SUPT16H: variants seen among roughly 807,000 people sequenced by gnomAD.
The protein encoded by SUPT16H is SPT16 homolog, facilitates chromatin remodeling subunit, also known as FACT complex subunit SPT16.
SUPT16H carries 24 observed loss-of-function variants against 136.2 expected under a neutral mutation model. The observed-to-expected ratio is 0.18, with a 90% confidence interval of 0.13 to 0.25. The LOEUF (loss-of-function observed/expected upper bound fraction) is 0.25. Ranked by LOEUF, SUPT16H falls within the 10% of genes least tolerant of loss-of-function variation. The pLI is 1.00. For synonymous variants in SUPT16H, 415 were observed against 428.2 expected (o/e 0.97, Z 0.38); for missense variants, 623 against 1,270.2 (o/e 0.49, Z 7.74).
intron 22 of SUPT16H, chr14:21,354,764 A>G (rs374516054): frequency 1.4e-4 from 51 of 367,864 alleles, no homozygotes; most frequent in South Asian, 1.3e-3. Flanking sequence ...GCTAATTTTT[A>G]TATTTTTAGT....
At chr14:21,372,837 A>C in intron 2 of SUPT16H, 1 of 344,352 alleles carries the variant, frequency 2.9e-6, no homozygotes, top group South Asian at 2.3e-5. Context: ...ATCACTGCTA[A>C]ATCCAATTGA....
chr14:21,373,494 A>G (rs751353919), intron 1 of SUPT16H, 64 bp from the exon 2 acceptor site: 1 of 1,167,400 alleles, frequency 8.6e-7, no homozygotes, highest in Admixed American at 1.7e-5. Context: ...ACAGCCTTCA[A>G]TATTTATCTA....
At chr14:21,357,454 C>A in intron 21 of SUPT16H, 88 bp from the exon 22 acceptor site, 1 of 1,311,160 alleles carries the variant, frequency 7.6e-7, no homozygotes, top group Non-Finnish European at 1.0e-6. Context: ...TAAATCACTA[C>A]ATAAAAGATA....
intron 2 of SUPT16H, chr14:21,372,378 AGAGT>A (rs1886805619): frequency 9.7e-6 from 3 of 310,072 alleles, no homozygotes; most frequent in South Asian, 9.6e-5. Context: ...AACAAGGGAC[AGAGT>A]GATACAGAAC....
intron 2 of SUPT16H, chr14:21,372,316 G>C (rs1333011824): frequency 2.6e-6 from 1 of 385,588 alleles, no homozygotes; most frequent in Non-Finnish European, 4.7e-6. Context: ...TCAGTTAAAC[G>C]ATTTGTGTTT....
chr14:21,369,475 G>A lies in SUPT16H; in HGVS notation c.631-120C>T, dbSNP rs45618735. ...ATAAGTCTTAGGAAATGATTTATGCGCCAGGTAATATATTGGTATGCAGGC... is the reference window on the plus strand; with the variant it reads ...ATAAGTCTTAGGAAATGATTTATGCACCAGGTAATATATTGGTATGCAGGC... On this transcript the variant is annotated intron_variant, in intron 5 of 25. Transcript: ENST00000216297. The A allele has an allele frequency of 0.023, 31,203 of 1,335,664 alleles. 404 individuals are homozygous for A. The highest frequency in any genetic ancestry group is 0.035 in the African/African-American group (2,370 of 68,538). The allele number at this position is 1,335,664 out of a possible 1,614,324, so 82.7% of individuals were successfully genotyped here. A position where few individuals can be genotyped will look rare whatever the true frequency, so the allele number is the denominator to read the frequency against.
chr14:21,363,640 TTCTAACC>T, intron 10 of SUPT16H, 137 bp from the exon 11 acceptor site: 5 of 744,398 alleles, frequency 6.7e-6, no homozygotes, highest in Non-Finnish European at 8.7e-6. Flanking sequence ...GTTTTTATCC[TTCTAACC>T]TCTAACCTCT....
At chr14:21,372,860 G>A (rs1228795595) in intron 2 of SUPT16H, 2 of 337,032 alleles carry the variant, frequency 5.9e-6, no homozygotes, top group South Asian at 2.4e-5. Flanking sequence ...TTTATGTGAT[G>A]GTGAAAATAC....
chr14:21,376,899 A>G (rs896434850), intron 1 of SUPT16H, among the ~76,000 whole-genome samples: 3 of 152,100 alleles, frequency 2.0e-5, no homozygotes, highest in Admixed American at 2.0e-4. Context: ...CAGTAGCAAG[A>G]TAACTAGCCA....
chr14:21,366,348 G>C lies in SUPT16H; in HGVS notation c.1046+91C>G, dbSNP rs562120853. 7.1e-4 allele frequency: 862 copies of C among 1,211,164 alleles called. 1 individual carries two copies. Among genetic ancestry groups the C allele is most frequent in the Non-Finnish European group, 9.5e-4 (787 of 832,236 alleles). The allele number at this position is 1,211,164 out of a possible 1,614,324, so 75.0% of individuals were successfully genotyped here. ...GTTTGCTAGTCCATAAATGTTGGCTGAATCAATCAATTAGCCTAAAGAAAT... is the reference window on the plus strand; with the variant it reads ...GTTTGCTAGTCCATAAATGTTGGCTCAATCAATCAATTAGCCTAAAGAAAT... On this transcript the variant is annotated intron_variant, in intron 8 of 25. Transcript: ENST00000216297.
At chr14:21,374,256 T>C (rs538324839) in intron 1 of SUPT16H, among the ~76,000 whole-genome samples, 1 of 152,252 alleles carries the variant, frequency 6.6e-6, no homozygotes, top group Non-Finnish European at 1.5e-5. Context: ...TGAGGTTTCA[T>C]GAAAGCACTG....
In SUPT16H at chr14:21,377,239, G is replaced by A. The variant is rs182981100; in HGVS notation, c.67-3809C>T. The stretch of plus-strand genomic sequence containing the variant: ...CTAGGACTGAAGAATATGAGCTTGA[G>A]ACTAAAAGGATTTCCCCAAAAGAGA... On this transcript the variant is annotated intron_variant, in intron 1 of 25. Coordinates refer to ENST00000216297, the MANE Select transcript of SUPT16H (RefSeq NM_007192.4). Among the ~76,000 whole-genome samples, 3 of 152,138 alleles carry A rather than the reference G, an allele frequency of 2.0e-5. No individual in the cohort carries two copies. The South Asian group carries it at 6.2e-4, about 32-fold the overall frequency.
intron 8 of SUPT16H, among the ~76,000 whole-genome samples, chr14:21,366,217 G>T (rs972172486): frequency 2.6e-5 from 4 of 152,162 alleles, no homozygotes; most frequent in African/African-American, 9.7e-5. Context: ...GAAAACCTAT[G>T]GGCTGGAACA....
intron 1 of SUPT16H, among the ~76,000 whole-genome samples, chr14:21,375,016 C>A (rs1886871098): frequency 6.7e-6 from 1 of 149,228 alleles, no homozygotes; most frequent in African/African-American, 2.5e-5. Context: ...TAGTATCCTG[C>A]TTTTTTTTTT....
intron 1 of SUPT16H, among the ~76,000 whole-genome samples, chr14:21,377,834 G>A (rs2139418786): frequency 6.6e-6 from 1 of 152,304 alleles, no homozygotes; most frequent in East Asian, 1.9e-4. Flanking sequence ...ATGTCGGCCA[G>A]GGTAGTCTTG....
chr14:21,383,993 C>T lies in SUPT16H; in HGVS notation c.-66G>A. 2 of 1,594,442 alleles carry T rather than the reference C, an allele frequency of 1.3e-6. No individual in the cohort carries two copies. The highest frequency in any genetic ancestry group is 1.7e-6 in the Non-Finnish European group (2 of 1,163,918). On this transcript the variant is annotated 5_prime_UTR_variant, in exon 1 of 26. Coordinates refer to ENST00000216297, the MANE Select transcript of SUPT16H (RefSeq NM_007192.4). ...CGAGGTCCCGGCTCAGCCACCCGCT[C>T]TCGGCCCAGGAATCCCGCACTCTCC...
chr14:21,357,510 C>A (rs889555129), intron 21 of SUPT16H, 144 bp from the exon 22 acceptor site: 1 of 723,940 alleles, frequency 1.4e-6, no homozygotes, highest in Non-Finnish European at 2.0e-6. Flanking sequence ...TGAGGCAGTA[C>A]AACATACTAA....
At chr14:21,376,091 GT>G (rs1184710315) in intron 1 of SUPT16H, among the ~76,000 whole-genome samples, 1 of 152,074 alleles carries the variant, frequency 6.6e-6, no homozygotes, top group Non-Finnish European at 1.5e-5. Flanking sequence ...TGAATATCTA[GT>G]TATTACAACA....
intron 15 of SUPT16H, 48 bp downstream of exon 15, chr14:21,362,149 C>T: frequency 2.5e-6 from 4 of 1,572,056 alleles, no homozygotes; most frequent in Non-Finnish European, 3.4e-6. Flanking sequence ...TCTGAGAGTA[C>T]CACTCCAGAC....
Sources: allele counts gnomAD v4.1 joint callset (sites outside exome capture counted in the v4.1 genomes callset), GRCh38; gene constraint gnomAD v4.1.1; transcripts MANE v1.5; gene names NCBI Gene and HGNC (gene_info 2026-07-23, HGNC 2026-07-21).